The following PDIA5 variants were observed in gnomAD, a reference collection of about 807,000 sequenced individuals.
The protein encoded by PDIA5 is protein disulfide isomerase family A member 5.
In PDIA5, 58 loss-of-function variants were observed where a neutral mutation model predicts 77.6. The ratio of observed to expected loss-of-function variants is 0.75; its 90% CI spans 0.61 to 0.93. The LOEUF (loss-of-function observed/expected upper bound fraction) is 0.93, where lower values mean the gene tolerates loss of function less well. PDIA5 is among the 40% of genes least tolerant of loss of function. The pLI is 0.00. For synonymous variants in PDIA5, 250 were observed against 252.1 expected (o/e 0.99, Z 0.08); for missense variants, 630 against 647.7 (o/e 0.97, Z 0.30).
chr3:123,075,170 C>T (rs1407011291), intron 1 of PDIA5, among the ~76,000 whole-genome samples: 1 of 152,134 alleles, frequency 6.6e-6, no homozygotes, highest in Non-Finnish European at 1.5e-5. Flanking sequence ...ATGCTCAATA[C>T]CTATTTGTAT....
intron 15 of PDIA5, among the ~76,000 whole-genome samples, chr3:123,159,682 T>C (rs914877060): frequency 1.3e-5 from 2 of 152,266 alleles, no homozygotes; most frequent in Non-Finnish European, 2.9e-5. Context: ...GAGAGCCAGA[T>C]ACAGATTGCA....
At chr3:123,139,060 T>C (rs994298238) in intron 11 of PDIA5, among the ~76,000 whole-genome samples, 1 of 152,156 alleles carries the variant, frequency 6.6e-6, no homozygotes, top group Non-Finnish European at 1.5e-5. Flanking sequence ...GAAAAGAGCA[T>C]GATCAAGGAG....
Position 123,107,207 on chromosome 3 carries a change from TAAAGA to T in PDIA5, c.480+368_480+372del, listed in dbSNP as rs1239603925. On this transcript the variant is annotated intron_variant, in intron 6 of 16. Transcript: ENST00000316218. ...TTTTTTTGTTTTTGTTTTGTTTTTTTAAAGAATAACCTTAGAGATTTGGGTTAGAT... is the reference window on the plus strand; with the variant it reads ...TTTTTTTGTTTTTGTTTTGTTTTTTTATAACCTTAGAGATTTGGGTTAGAT... Among the ~76,000 whole-genome samples, 9 of 152,292 alleles carry T rather than the reference TAAAGA, an allele frequency of 5.9e-5. No individual in the cohort carries two copies. The East Asian group carries it at 1.5e-3, about 26-fold the overall frequency.
intron 16 of PDIA5, 94 bp from the exon 17 acceptor site, chr3:123,161,786 C>G: frequency 1.2e-6 from 1 of 848,806 alleles, no homozygotes; most frequent in Non-Finnish European, 2.0e-6. Context: ...TAGGAGTGAC[C>G]CCCTGGAGGG....
intron 12 of PDIA5, 51 bp from the exon 13 acceptor site, chr3:123,146,048 C>T: frequency 6.4e-7 from 1 of 1,572,546 alleles, no homozygotes; most frequent in East Asian, 2.2e-5. Context: ...TGTGTTCCAC[C>T]AGCACCGCAT....
chr3:123,155,826 A>G (rs1013123862), intron 15 of PDIA5, among the ~76,000 whole-genome samples: 1 of 152,162 alleles, frequency 6.6e-6, no homozygotes, highest in Non-Finnish European at 1.5e-5. Context: ...AGTCACGTGC[A>G]GGGGTGCCTT....
At chr3:123,131,419 CA>C (rs960392739) in intron 11 of PDIA5, among the ~76,000 whole-genome samples, 1 of 144,458 alleles carries the variant, frequency 6.9e-6, no homozygotes, top group Admixed American at 6.9e-5. Flanking sequence ...GGCTCCATCT[CA>C]AAAAAAAAGA....
At chr3:123,103,565 C>G (rs923800089) in intron 5 of PDIA5, among the ~76,000 whole-genome samples, 1 of 152,204 alleles carries the variant, frequency 6.6e-6, no homozygotes, top group Non-Finnish European at 1.5e-5. Context: ...TGTGTCTCTT[C>G]CATTTTTCCT....
chr3:123,112,125 C>T lies in PDIA5; in HGVS notation c.541+1121C>T, dbSNP rs190346631. Among the ~76,000 whole-genome samples the T allele has an allele frequency of 2.6e-5, 4 of 152,278 alleles. No homozygotes were observed. In the East Asian group the frequency reaches 7.7e-4, roughly 29 times the overall value. On this transcript the variant is annotated intron_variant, in intron 7 of 16. Transcript: ENST00000316218. ...GGGCACCTCCACAGTCTAATGGCTC[C>T]CAACCCACAGATTGAAAATAACCCT...
chr3:123,150,377 G>A lies in PDIA5; in HGVS notation c.1273+13G>A. On this transcript the variant is annotated intron_variant, in intron 14 of 16. Transcript: ENST00000316218. The stretch of plus-strand genomic sequence containing the variant: ...TTCTACGCCCCTTGTAAGTAGCTTG[G>A]GTGCTCACTGAGTGGCACAGTAAGA... 3.7e-6 allele frequency: 6 copies of A among 1,611,416 alleles called. No individual in the cohort carries two copies. Among genetic ancestry groups the A allele is most frequent in the Non-Finnish European group, 5.1e-6 (6 of 1,178,724 alleles).
At chr3:123,093,543 C>T (rs1160056870) in intron 3 of PDIA5, among the ~76,000 whole-genome samples, 1 of 152,130 alleles carries the variant, frequency 6.6e-6, no homozygotes, top group African/African-American at 2.4e-5. Flanking sequence ...GCTTATGAGG[C>T]TTGTAGGTGG....
In PDIA5 at chr3:123,155,633, G is replaced by A. The variant is rs115885735; in HGVS notation, c.1344+592G>A. ...GGGGCAGGGAAATACCCCTGAATTC[G>A]GGGAAGTGTGATTGACTGCCAGCCT... On this transcript the variant is annotated intron_variant, in intron 15 of 16. Transcript: ENST00000316218. Among the ~76,000 whole-genome samples the A allele has an allele frequency of 6.2e-3, 947 of 152,340 alleles. 11 individuals are homozygous for A. The highest frequency in any genetic ancestry group is 0.021 in the African/African-American group (890 of 41,580).
intron 1 of PDIA5, 186 bp from the exon 2 acceptor site, chr3:123,088,982 G>C: frequency 1.9e-6 from 1 of 526,962 alleles, no homozygotes; most frequent in Non-Finnish European, 3.4e-6. Flanking sequence ...TGGAGGGGAA[G>C]GGAGACTGGG....
intron 1 of PDIA5, among the ~76,000 whole-genome samples, chr3:123,075,904 C>T (rs1051794704): frequency 5.9e-5 from 9 of 152,128 alleles, no homozygotes; most frequent in Non-Finnish European, 8.8e-5. Flanking sequence ...TTTTGCCAGC[C>T]GAGGTGGGTG....
chr3:123,141,429 A>G (rs1935632266), intron 11 of PDIA5, among the ~76,000 whole-genome samples: 1 of 152,228 alleles, frequency 6.6e-6, no homozygotes, highest in Non-Finnish European at 1.5e-5. Flanking sequence ...GTCTCAGGGC[A>G]GTGGACCTTT....
intron 10 of PDIA5, among the ~76,000 whole-genome samples, chr3:123,127,298 A>G (rs1289652462): frequency 6.6e-6 from 1 of 152,170 alleles, no homozygotes; most frequent in Non-Finnish European, 1.5e-5. Flanking sequence ...CAAGTCATCA[A>G]ATCTGCACCA....
chr3:123,119,483 T>C (rs1935058213), intron 8 of PDIA5, among the ~76,000 whole-genome samples: 1 of 152,166 alleles, frequency 6.6e-6, no homozygotes. Context: ...TGTTCTATTT[T>C]CCCTTTCATT....
At chr3:123,081,209 G>C (rs9813435) in intron 1 of PDIA5, among the ~76,000 whole-genome samples, 1 of 152,126 alleles carries the variant, frequency 6.6e-6, no homozygotes. Flanking sequence ...GGTGGTGGTC[G>C]TGAGAATGGG....
intron 15 of PDIA5, among the ~76,000 whole-genome samples, chr3:123,156,274 G>A (rs1936018759): frequency 6.6e-6 from 1 of 152,174 alleles, no homozygotes; most frequent in South Asian, 2.1e-4. Flanking sequence ...TAGACCCAGA[G>A]CCCAGGACTC....
Sources: gnomAD v4.1 joint callset for allele counts (sites outside exome capture counted in the v4.1 genomes callset) on GRCh38, gnomAD v4.1.1 for gene constraint, MANE v1.5 for transcripts, NCBI Gene and HGNC (gene_info 2026-07-23, HGNC 2026-07-21) for gene names.